The following GPC3 variants were observed in gnomAD, a reference collection of about 807,000 sequenced individuals.
The protein encoded by GPC3 is glypican-3.
Under a neutral mutation model 34.4 loss-of-function variants are expected in GPC3, and 3 were observed. The ratio of observed to expected loss-of-function variants is 0.09; its 90% CI spans 0.04 to 0.23. The LOEUF is 0.23. GPC3 is among the 10% of genes least tolerant of loss of function. The pLI is 1.00. For synonymous variants in GPC3, 177 were observed against 174.0 expected, an observed-to-expected ratio of 1.02 and a Z score of -0.13; for missense variants, 351 against 445.6, an observed-to-expected ratio of 0.79 and a Z score of 1.91.
intron 2 of GPC3, among the ~76,000 whole-genome samples, chrX:133,819,137 TC>T (rs1182508441): frequency 4.4e-5 from 2 of 45,778 alleles, no homozygotes; most frequent in Non-Finnish European, 3.9e-5. Flanking sequence ...ATGCTATCCC[TC>T]CCCCCTCCCC....
intron 2 of GPC3, among the ~76,000 whole-genome samples, chrX:133,913,053 CA>C (rs1288887225): frequency 0.026 from 872 of 34,196 alleles, 8 homozygotes; most frequent in African/African-American, 0.048. Flanking sequence ...GACTCCGTCT[CA>C]AAAAAAAAAA....
intron 2 of GPC3, among the ~76,000 whole-genome samples, chrX:133,923,472 A>T (rs1461351006): frequency 1.8e-5 from 2 of 111,818 alleles, no homozygotes; most frequent in Non-Finnish European, 3.8e-5. Flanking sequence ...AATAGACGGT[A>T]GGTCTTCCTG....
At chrX:133,648,910 G>T (rs1226941582) in intron 6 of GPC3, among the ~76,000 whole-genome samples, 5 of 111,736 alleles carry the variant, frequency 4.5e-5, no homozygotes, top group Non-Finnish European at 7.5e-5. Context: ...TAATTCCCTC[G>T]GTAAGAATTA....
rs771136293 is a variant in GPC3 at position 133,719,117 on chromosome X, C to T, written c.1033-19089G>A. Among the ~76,000 whole-genome samples, 4 of 111,010 alleles carry T rather than the reference C, an allele frequency of 3.6e-5. 1 individual carries two copies. Among genetic ancestry groups the T allele is most frequent in the Non-Finnish European group, 7.5e-5 (4 of 52,982 alleles). On this transcript the variant is annotated intron_variant, in intron 3 of 7. Coordinates refer to ENST00000370818, the MANE Select transcript of GPC3 (RefSeq NM_004484.4). ...AGATCAAACAGACATCTATAGAACACTCCATACAACAGTGGTAAAACACAA... is the reference window on the plus strand; with the variant it reads ...AGATCAAACAGACATCTATAGAACATTCCATACAACAGTGGTAAAACACAA...
chrX:133,885,483 G>A (rs1346145274), intron 2 of GPC3, among the ~76,000 whole-genome samples: 1 of 111,425 alleles, frequency 9.0e-6, no homozygotes, highest in East Asian at 2.8e-4. Flanking sequence ...GAATACTTTT[G>A]TATTACCAAT....
intron 5 of GPC3, among the ~76,000 whole-genome samples, chrX:133,674,149 C>A (rs749640118): frequency 3.6e-5 from 4 of 110,668 alleles, no homozygotes; most frequent in Non-Finnish European, 7.6e-5. Context: ...AGCACTTGAG[C>A]CCAGGAGGTT....
At chrX:133,982,065 G>A (rs1305988703) in intron 1 of GPC3, among the ~76,000 whole-genome samples, 1 of 111,947 alleles carries the variant, frequency 8.9e-6, no homozygotes, top group Non-Finnish European at 1.9e-5. Context: ...TTTTTGTTTA[G>A]AGGAATTTTT....
intron 2 of GPC3, among the ~76,000 whole-genome samples, chrX:133,855,112 T>G (rs1464603518): frequency 1.8e-5 from 2 of 111,835 alleles, no homozygotes; most frequent in African/African-American, 6.5e-5. Flanking sequence ...TTACTTTTCC[T>G]TTTAATTTTG....
intron 3 of GPC3, among the ~76,000 whole-genome samples, chrX:133,717,495 A>G (rs751738028): frequency 8.1e-5 from 9 of 111,564 alleles, no homozygotes; most frequent in South Asian, 3.8e-4. Flanking sequence ...TACAGACATT[A>G]TATAGAAAAG....
intron 2 of GPC3, among the ~76,000 whole-genome samples, chrX:133,885,564 A>C (rs989506890): frequency 1.8e-5 from 2 of 111,672 alleles, no homozygotes; most frequent in Admixed American, 1.9e-4. Context: ...TTAGAGGGAG[A>C]GTGGAGTGTT....
intron 2 of GPC3, among the ~76,000 whole-genome samples, chrX:133,870,678 C>T (rs2124575149): frequency 9.0e-6 from 1 of 111,291 alleles, no homozygotes; most frequent in Admixed American, 9.6e-5. Context: ...ATCTCTCCTT[C>T]CTTCCTGTCT....
At position 133,651,183 on chromosome X, in the gene GPC3, CT is replaced by C. The variant is rs755108530; in HGVS notation, c.1413+10546del. Among the ~76,000 whole-genome samples, 23 of 109,870 alleles carry C rather than the reference CT, an allele frequency of 2.1e-4. No individual in the cohort carries two copies. In the South Asian group the frequency reaches 8.8e-3, roughly 42 times the overall value. ...AGGGTGGAGAGTATTTTTCTTTTTT[CT>C]TTTTTTCTTTTTTTTTTGAGACAGA... is the stretch of plus-strand genomic sequence containing the variant. On this transcript the variant is annotated intron_variant, in intron 6 of 7. Coordinates refer to ENST00000370818, the MANE Select transcript of GPC3 (RefSeq NM_004484.4).
Position 133,985,291 on chromosome X carries a change from T to C in GPC3, c.159A>G (p.Pro53=), listed in dbSNP as rs764505002. Reference sequence around the variant, plus strand: ...CCTCCTCACCTGGCACGGGAGTTTCTGGCACCCACTTGAGTCCGGGCTGCA... The same window carrying C: ...CCTCCTCACCTGGCACGGGAGTTTCCGGCACCCACTTGAGTCCGGGCTGCA... The part of the protein sequence containing the change: ...QRLQPGLKWV[P]ETPVPGSDLQ... The change falls in exon 1 of 8, where the codon CCA becomes CCG. Residue 53 remains proline, a synonymous_variant. Coordinates refer to ENST00000370818, the MANE Select transcript of GPC3 (RefSeq NM_004484.4). 11 of 1,211,027 alleles carry C rather than the reference T, an allele frequency of 9.1e-6. No homozygotes were observed. In the South Asian group the frequency reaches 1.8e-4, roughly 19 times the overall value.
rs751099639 is a variant in GPC3 at position 133,720,801 on chromosome X, T to G, written c.1033-20773A>C. ...AGTAACTCAGGAATGGAAAACCAAA[T>G]AGCGTATGTTCTCACTTATAAGTGG... On this transcript the variant is annotated intron_variant, in intron 3 of 7. Coordinates refer to ENST00000370818, the MANE Select transcript of GPC3 (RefSeq NM_004484.4). 4.5e-5 allele frequency among the ~76,000 whole-genome samples: 5 copies of G among 110,552 alleles called. No homozygotes were observed. In the East Asian group the frequency reaches 1.4e-3, roughly 32 times the overall value.
At chrX:133,794,837 A>G (rs1459644213) in intron 2 of GPC3, among the ~76,000 whole-genome samples, 1 of 112,517 alleles carries the variant, frequency 8.9e-6, no homozygotes, top group Non-Finnish European at 1.9e-5. Flanking sequence ...GGGGAAAAAT[A>G]GATTCTATTA....
chrX:133,666,287 T>G (rs748360745), intron 5 of GPC3, among the ~76,000 whole-genome samples: 19 of 112,143 alleles, frequency 1.7e-4, no homozygotes, highest in African/African-American at 5.5e-4. Context: ...AAAGACAGTT[T>G]TGGGTTTAGA....
At chrX:133,889,831 C>CTTTTT (rs781203121) in intron 2 of GPC3, among the ~76,000 whole-genome samples, 15 of 75,793 alleles carry the variant, frequency 2.0e-4, no homozygotes, top group Non-Finnish European at 2.7e-4. Flanking sequence ...TTCTAGCCTT[C>CTTTTT]TTTTTTTTTT....
At chrX:133,970,472 A>C (rs2267528) in intron 1 of GPC3, among the ~76,000 whole-genome samples, 4,095 of 110,337 alleles carry the variant, frequency 0.037, 69 homozygotes, top group East Asian at 0.098. Context: ...TATTTTCTTA[A>C]AAAACACACA....
At chrX:133,707,642 G>A (rs1204915702) in intron 3 of GPC3, among the ~76,000 whole-genome samples, 2 of 111,022 alleles carry the variant, frequency 1.8e-5, no homozygotes, top group Non-Finnish European at 3.8e-5. Context: ...TGGAGAGTAA[G>A]CAAATAGATG....
Sources: allele counts gnomAD v4.1 joint callset (sites outside exome capture counted in the v4.1 genomes callset), GRCh38; gene constraint gnomAD v4.1.1; transcripts MANE v1.5; gene names NCBI Gene and HGNC (gene_info 2026-07-23, HGNC 2026-07-21).